Variants in USP36 observed in about 807,000 individuals in gnomAD.
USP36 encodes ubiquitin carboxyl-terminal hydrolase 36.
In USP36, 59 loss-of-function variants were observed where a neutral mutation model predicts 111.5. That is an observed-to-expected ratio of 0.53 (90% confidence interval 0.43 to 0.66). USP36 has a LOEUF of 0.66. Ranked by LOEUF, USP36 falls within the 30% of genes least tolerant of loss-of-function variation. The probability of loss-of-function intolerance (pLI) is 0.00; values close to 1 mark genes in which losing one functional copy is unlikely to be tolerated. For synonymous variants in USP36, 628 were observed against 581.0 expected (o/e 1.08, Z -1.16); for missense variants, 1,488 against 1,468.0 (o/e 1.01, Z -0.22).
At chr17:78,794,458 C>T (rs537476910), downstream of USP36, among the ~76,000 whole-genome samples, 169 of 152,322 alleles carry the variant, frequency 1.1e-3, no homozygotes, top group African/African-American at 3.1e-3. Context: ...TCAGGCAGAG[C>T]TCATGACAGG....
At chr17:78,840,531 C>T (rs1379025998) in intron 1 of USP36, 1 of 152,298 alleles carries the variant, frequency 6.6e-6, no homozygotes, top group African/African-American at 2.4e-5. Context: ...AATACCCGGG[C>T]TCTGGAGAAG....
At position 78,803,711 on chromosome 17, in the gene USP36, G is replaced by GGGGAGA. The variant is rs1475782969; in HGVS notation, c.2483_2484insTCTCCC (p.Leu829_Pro830dup). On this transcript the variant is annotated inframe_insertion, in exon 16 of 21. Coordinates refer to ENST00000449938, the MANE Select transcript of USP36 (RefSeq NM_001385174.1). The surrounding 1 kb of genome is among the most constrained non-coding windows in gnomAD (Gnocchi z 4.6). ...TGGCCTCCCTGATGTGCTGTGGGAG[G>GGGGAGA]CGCGTCTCTGAGCCCAGCCTCTGCG... is the stretch of plus-strand genomic sequence containing the variant. The GGGGAGA allele has an allele frequency of 6.2e-7, 1 of 1,611,910 alleles. No individual in the cohort carries two copies. Among genetic ancestry groups the GGGGAGA allele is most frequent in the Admixed American group, 1.7e-5 (1 of 60,012 alleles).
rs1228577001 is a variant in USP36 at position 78,812,976 on chromosome 17, C to T, written c.1291G>A (p.Glu431Lys). ...GAGCCTGTCCTGGAGATGAGGCCCT[C>T]GGGACTTTTCTTAGAGCCTGGAATT... ...LRIPGSKKSPEGLISRTGSSS... is the reference protein window; with the variant it reads ...LRIPGSKKSPKGLISRTGSSS... Residue 431 changes from glutamate (E) to lysine (K), a missense_variant, in exon 13 of 21, where the codon GAG becomes AAG. Physicochemically the swap from Glu to Lys is moderately conservative, Grantham distance 56. Around this residue, in one of 3 missense-constraint regions of USP36, gnomAD observed 1,073 missense variants for 994.1 expected, o/e 1.08. Coordinates refer to ENST00000449938, the MANE Select transcript of USP36 (RefSeq NM_001385174.1). 11 of 1,613,840 alleles carry T rather than the reference C, an allele frequency of 6.8e-6. No homozygotes were observed. Among genetic ancestry groups the T allele is most frequent in the East Asian group, 4.5e-5 (2 of 44,876 alleles).
At chr17:78,815,993 A>G (rs1357414703) in intron 10 of USP36, among the ~76,000 whole-genome samples, 2 of 152,114 alleles carry the variant, frequency 1.3e-5, no homozygotes, top group Admixed American at 6.6e-5. Flanking sequence ...GTGCACACAC[A>G]TATATACATA....
chr17:78,814,676 G>A (rs2094139545), intron 10 of USP36, 124 bp from the exon 11 acceptor site: 1 of 1,216,278 alleles, frequency 8.2e-7, no homozygotes, highest in Admixed American at 2.4e-5. Context: ...TTGGGGGCCG[G>A]GCACAGTGGC....
chr17:78,825,800 C>A (rs1030775421), intron 6 of USP36, among the ~76,000 whole-genome samples: 2 of 152,168 alleles, frequency 1.3e-5, no homozygotes, highest in African/African-American at 2.4e-5. Context: ...TCGCTGCACT[C>A]CCCCTGCAGG....
chr17:78,823,933 A>C lies in USP36; in HGVS notation c.690-1929T>G, dbSNP rs143061001. Among the ~76,000 whole-genome samples, 261 of 152,334 alleles carry C rather than the reference A, an allele frequency of 1.7e-3. 2 individuals are homozygous for C. Among genetic ancestry groups the C allele is most frequent in the African/African-American group, 6.0e-3 (248 of 41,572 alleles). On this transcript the variant is annotated intron_variant, in intron 6 of 20. Transcript: ENST00000449938. ...AATGAAAGCAGGCCCAGTCTATGCAAAGTGCTTCAAGCACAAAGCAGCAAT... is the reference window on the plus strand; with the variant it reads ...AATGAAAGCAGGCCCAGTCTATGCACAGTGCTTCAAGCACAAAGCAGCAAT...
rs369584125 is a variant in USP36 at position 78,798,531 on chromosome 17, A to T, written c.3261T>A (p.Phe1087Leu). ...DRGKEKKIKK[F>L]KREKRRNFNA... ...TGAAGTTTCTCCTCTTCTCTCTCTT[A>T]AATTTTTTAATTTTCTTTTCCTAGA... Residue 1087 changes from phenylalanine to leucine, a missense_variant, in exon 20 of 21, where the codon TTT (phenylalanine) becomes TTA (leucine). Transcript: ENST00000449938. This position sits in a 1 kb window ranked among gnomAD's most constrained non-coding sequence, Gnocchi z 5.1. The T allele has an allele frequency of 6.2e-7, 1 of 1,613,930 alleles. No homozygotes were observed. The highest frequency in any genetic ancestry group is 1.7e-5 in the Admixed American group (1 of 59,994).
intron 14 of USP36, 96 bp downstream of exon 14, chr17:78,806,863 G>A (rs912201308): frequency 4.0e-6 from 6 of 1,493,326 alleles, no homozygotes; most frequent in Non-Finnish European, 5.4e-6. Flanking sequence ...GGAGGCCAAA[G>A]CCCCCGGACA....
intron 9 of USP36, among the ~76,000 whole-genome samples, chr17:78,819,556 C>A (rs2094269476): frequency 1.3e-5 from 2 of 152,250 alleles, no homozygotes; most frequent in South Asian, 4.1e-4. Flanking sequence ...GGGGCGGCCG[C>A]CCGGTGCCAG....
intron 13 of USP36, among the ~76,000 whole-genome samples, chr17:78,811,588 G>C (rs2094057093): frequency 6.6e-6 from 1 of 152,160 alleles, no homozygotes; most frequent in Non-Finnish European, 1.5e-5. Context: ...TGTGAGAACA[G>C]GCCGGGCACA....
chr17:78,791,704 G>A (rs1397046560), downstream of USP36, among the ~76,000 whole-genome samples: 1 of 152,174 alleles, frequency 6.6e-6, no homozygotes, highest in East Asian at 1.9e-4. Context: ...GAGGCAGGGG[G>A]GATCTGGATC....
In USP36 at chr17:78,803,734, G is replaced by A; in HGVS notation, c.2461C>T (p.Gln821Ter). 1 of 1,612,288 alleles carries A rather than the reference G, an allele frequency of 6.2e-7. No individual in the cohort carries two copies. Among genetic ancestry groups the A allele is most frequent in the Non-Finnish European group, 8.5e-7 (1 of 1,179,916 alleles). The change falls in exon 16 of 21, where the codon CAG becomes TAG. Residue 821 changes from glutamine (Q) to a stop codon, truncating the protein, a stop_gained. Transcript: ENST00000449938. LOFTEE classifies it high-confidence loss of function. This position sits in a 1 kb window ranked among gnomAD's most constrained non-coding sequence, Gnocchi z 4.6. The stretch of plus-strand genomic sequence containing the variant: ...AGGCGCGTCTCTGAGCCCAGCCTCT[G>A]CGGCTCTCCCACAAAGGTCTTTTTC... ...KRKKTFVGEP[Q>*]RLGSETRLPQ...
At chr17:78,830,860 T>C (rs2068018775) in intron 4 of USP36, among the ~76,000 whole-genome samples, 2 of 151,892 alleles carry the variant, frequency 1.3e-5, no homozygotes, top group South Asian at 2.1e-4. Context: ...ACTATATCCA[T>C]GTTATTACTT....
chr17:78,831,392 C>A (rs1294682973), intron 4 of USP36, among the ~76,000 whole-genome samples: 1 of 151,722 alleles, frequency 6.6e-6, no homozygotes, highest in African/African-American at 2.4e-5. Flanking sequence ...GCGGGTGGAA[C>A]ACGTGAGGTC....
rs1195135798 is a variant in USP36, at chr17:78,798,900, C to T, written c.3240+8G>A. On this transcript the variant is annotated splice_region_variant and intron_variant, in intron 19 of 20. Coordinates refer to ENST00000449938, the MANE Select transcript of USP36 (RefSeq NM_001385174.1). This position sits in a 1 kb window ranked among gnomAD's most constrained non-coding sequence, Gnocchi z 5.1. ...CCTCAAGCCTGTGGTCAGCATCACA[C>T]ATCATACCTTCCCTCGGTCAAACTC... The T allele has an allele frequency of 6.2e-7, 1 of 1,614,038 alleles. No individual in the cohort carries two copies. The highest frequency in any genetic ancestry group is 1.1e-5 in the South Asian group (1 of 91,070).
chr17:78,838,224 C>T (rs9910776), intron 2 of USP36, among the ~76,000 whole-genome samples: 7,993 of 151,738 alleles, frequency 0.053, 659 homozygotes, highest in African/African-American at 0.18. Context: ...TACAAAAAAA[C>T]TAGCCAGGCA....
intron 3 of USP36, among the ~76,000 whole-genome samples, chr17:78,790,168 A>C (rs1379204731): frequency 6.6e-6 from 1 of 151,952 alleles, no homozygotes; most frequent in East Asian, 1.9e-4. Flanking sequence ...AGCTCACTGC[A>C]ACCTCGGCTT....
In USP36 at chr17:78,803,932, AG is replaced by A; in HGVS notation, c.2262del (p.Phe755SerfsTer142). ...APQSSSRLQP[P>X]FSPHPTLLSS... ...GACAGCAATGTGGGGTGGGGGCTGA[AG>A]GGGGGTTGCAGGCGGCTGGATGATT... is the stretch of plus-strand genomic sequence containing the variant. On this transcript the variant is annotated frameshift_variant, in exon 16 of 21. Coordinates refer to ENST00000449938, the MANE Select transcript of USP36 (RefSeq NM_001385174.1). LOFTEE classifies it high-confidence loss of function. The surrounding 1 kb of genome is among the most constrained non-coding windows in gnomAD (Gnocchi z 4.6). 3.1e-6 allele frequency: 4 copies of A among 1,274,842 alleles called. No individual in the cohort carries two copies. The highest frequency in any genetic ancestry group is 1.0e-6 in the Non-Finnish European group (1 of 953,340). The allele number at this position is 1,274,842 out of a possible 1,614,324, so 79.0% of individuals were successfully genotyped here. A position where few individuals can be genotyped will look rare whatever the true frequency, so the allele number is the denominator to read the frequency against.
Sources: gnomAD v4.1 joint callset for allele counts (sites outside exome capture counted in the v4.1 genomes callset) on GRCh38, gnomAD v4.1.1 for gene constraint, gnomAD v4.1.1 regional missense constraint, Gnocchi (gnomAD v3.1) non-coding constraint, MANE v1.5 for transcripts, NCBI Gene and HGNC (gene_info 2026-07-23, HGNC 2026-07-21) for gene names.